FAM13A: variants seen among roughly 807,000 people sequenced by gnomAD.
The protein encoded by FAM13A is protein FAM13A.
FAM13A carries 76 observed loss-of-function variants against 129.6 expected under a neutral mutation model. The ratio of observed to expected loss-of-function variants is 0.59; its 90% CI spans 0.49 to 0.71. The LOEUF (loss-of-function observed/expected upper bound fraction) is 0.71, where lower values mean the gene tolerates loss of function less well. Among genes scored for constraint, FAM13A ranks in the 30% least tolerant of loss-of-function variants. The pLI, the probability that FAM13A is intolerant of heterozygous loss-of-function variation, is 0.00. For synonymous variants in FAM13A, 443 were observed against 449.9 expected (o/e 0.98, Z 0.20); for missense variants, 1,108 against 1,249.3 (o/e 0.89, Z 1.70).
At chr4:89,056,903 G>A (rs1416058437) in intron 1 of FAM13A, 35 bp downstream of exon 1, 2 of 1,595,450 alleles carry the variant, frequency 1.3e-6, no homozygotes, top group South Asian at 1.1e-5. Context: ...AAAACTGGCA[G>A]TAAACACAGA....
chr4:88,946,238 C>T (rs114928391), intron 4 of FAM13A, among the ~76,000 whole-genome samples: 1,654 of 151,430 alleles, frequency 0.011, 39 homozygotes, highest in African/African-American at 0.038. Context: ...AGGTCCTATT[C>T]CAGCCAATGG....
intron 5 of FAM13A, among the ~76,000 whole-genome samples, chr4:88,933,357 G>C (rs1420164828): frequency 6.6e-6 from 1 of 152,014 alleles, no homozygotes; most frequent in Non-Finnish European, 1.5e-5. Context: ...ATAGACTACT[G>C]TCCCCCTCAA....
intron 4 of FAM13A, among the ~76,000 whole-genome samples, chr4:88,958,672 A>G (rs1354881649): frequency 6.6e-6 from 1 of 152,224 alleles, no homozygotes; most frequent in African/African-American, 2.4e-5. Context: ...GAGAACTTCT[A>G]CTAGGACAGT....
rs185267884 is a variant in FAM13A, at chr4:88,890,472, G to A, written c.843+15907C>T. 5.9e-5 allele frequency among the ~76,000 whole-genome samples: 9 copies of A among 152,292 alleles called. No homozygotes were observed. In the East Asian group the frequency reaches 1.4e-3, roughly 23 times the overall value. On this transcript the variant is annotated intron_variant, in intron 6 of 23. Transcript: ENST00000264344. ...TACAACTGCTTATAGCATCTGGAAAGACTCAACACCTCAAAAGAGACTTTC... is the reference window on the plus strand; with the variant it reads ...TACAACTGCTTATAGCATCTGGAAAAACTCAACACCTCAAAAGAGACTTTC...
chr4:88,738,979 C>T (rs1233639806), intron 20 of FAM13A, 51 bp downstream of exon 20: 1 of 1,147,482 alleles, frequency 8.7e-7, no homozygotes, highest in South Asian at 1.2e-5. Flanking sequence ...TATCCAGGGC[C>T]CATTCAAGCG....
At chr4:88,780,214 C>G (rs1012653881) in intron 11 of FAM13A, among the ~76,000 whole-genome samples, 1 of 151,998 alleles carries the variant, frequency 6.6e-6, no homozygotes, top group East Asian at 1.9e-4. Flanking sequence ...TTGCATTTAC[C>G]TGTATTTTAC....
At chr4:88,830,984 CT>C (rs58415960) in intron 7 of FAM13A, among the ~76,000 whole-genome samples, 16,229 of 142,888 alleles carry the variant, frequency 0.11, 1,206 homozygotes, top group African/African-American at 0.22. Flanking sequence ...CATGTGGATG[CT>C]TTTTTTTTTT....
chr4:88,736,238 A>G (rs1738956803), intron 21 of FAM13A: 1 of 152,238 alleles, frequency 6.6e-6, no homozygotes, highest in African/African-American at 2.4e-5. Context: ...AACAAGTTCT[A>G]CTTAATACAG....
At chr4:88,921,059 C>T (rs1262638077) in intron 5 of FAM13A, among the ~76,000 whole-genome samples, 1 of 152,060 alleles carries the variant, frequency 6.6e-6, no homozygotes, top group Non-Finnish European at 1.5e-5. Context: ...TGTGAAAAGA[C>T]CAAATCTACG....
chr4:88,818,560 T>C (rs1731236559), intron 7 of FAM13A, among the ~76,000 whole-genome samples: 1 of 152,224 alleles, frequency 6.6e-6, no homozygotes, highest in African/African-American at 2.4e-5. Context: ...TCTTCTTTAT[T>C]TGGAGTAATT....
chr4:88,999,199 C>T (rs1763930778), intron 3 of FAM13A, among the ~76,000 whole-genome samples: 1 of 152,150 alleles, frequency 6.6e-6, no homozygotes, highest in South Asian at 2.1e-4. Flanking sequence ...CCAAAACAAA[C>T]TCCTGATAAT....
At chr4:88,921,995 A>C (rs564134383) in intron 5 of FAM13A, among the ~76,000 whole-genome samples, 46 of 152,070 alleles carry the variant, frequency 3.0e-4, no homozygotes, top group African/African-American at 1.1e-3. Context: ...CAACAAGAAG[A>C]GCTAACTATC....
chr4:89,055,774 C>T (rs1469601276), intron 1 of FAM13A, among the ~76,000 whole-genome samples: 1 of 152,128 alleles, frequency 6.6e-6, no homozygotes, highest in East Asian at 1.9e-4. Context: ...TACCTGGATG[C>T]TACTAAGCCT....
intron 8 of FAM13A, among the ~76,000 whole-genome samples, chr4:88,793,684 C>T (rs1173717249): frequency 1.3e-5 from 2 of 151,946 alleles, no homozygotes; most frequent in Non-Finnish European, 2.9e-5. Context: ...CTAGTGATCT[C>T]TGTAGTTTCT....
At chr4:88,823,002 C>T in intron 7 of FAM13A, 1 of 1,613,608 alleles carries the variant, frequency 6.2e-7, no homozygotes, top group Non-Finnish European at 8.5e-7. Context: ...TTTCACAAGC[C>T]ATTCTCGTAT....
chr4:89,003,047 T>C (rs2149059766), intron 3 of FAM13A, among the ~76,000 whole-genome samples: 1 of 151,856 alleles, frequency 6.6e-6, no homozygotes, highest in South Asian at 2.1e-4. Context: ...CAAAAGAAAA[T>C]ACTTTCCAAT....
intron 3 of FAM13A, among the ~76,000 whole-genome samples, chr4:89,006,685 C>A (rs367997503): frequency 2.0e-5 from 3 of 152,260 alleles, no homozygotes; most frequent in East Asian, 3.9e-4. Context: ...CTCTTGGTAC[C>A]CCGGTCCTTG....
chr4:88,872,210 A>G (rs2150080567), intron 6 of FAM13A, among the ~76,000 whole-genome samples: 1 of 152,348 alleles, frequency 6.6e-6, no homozygotes, highest in Middle Eastern at 3.4e-3. Flanking sequence ...TGTAAACACC[A>G]TTGATGCTAG....
At chr4:88,849,065 G>C (rs1040789330) in intron 7 of FAM13A, among the ~76,000 whole-genome samples, 3 of 152,122 alleles carry the variant, frequency 2.0e-5, no homozygotes, top group African/African-American at 7.2e-5. Flanking sequence ...ATTTTGAATT[G>C]TATTTTATGT....
Sources: allele counts gnomAD v4.1 joint callset (sites outside exome capture counted in the v4.1 genomes callset), GRCh38; gene constraint gnomAD v4.1.1; transcripts MANE v1.5; gene names NCBI Gene and HGNC (gene_info 2026-07-23, HGNC 2026-07-21).